Variants in NAA15 observed in about 807,000 individuals in gnomAD.
The protein encoded by NAA15 is N-terminal acetyltransferase.
Under a neutral mutation model 114.0 loss-of-function variants are expected in NAA15, and 34 were observed. The ratio of observed to expected loss-of-function variants is 0.30; its 90% confidence interval spans 0.23 to 0.40. The LOEUF (loss-of-function observed/expected upper bound fraction) is 0.40, where lower values mean the gene tolerates loss of function less well. Ranked by LOEUF, NAA15 falls within the 10% of genes least tolerant of loss-of-function variation. The probability of loss-of-function intolerance (pLI) is 1.00; values close to 1 mark genes in which losing one functional copy is unlikely to be tolerated. For missense variants in NAA15, 658 were observed against 1,004.5 expected (o/e 0.66, Z 4.66); for synonymous variants, 340 against 338.0 (o/e 1.01, Z -0.06).
At chr4:139,353,251 G>C (rs1445321661) in intron 9 of NAA15, among the ~76,000 whole-genome samples, 1 of 152,172 alleles carries the variant, frequency 6.6e-6, no homozygotes, top group Non-Finnish European at 1.5e-5. Context: ...AAACAAAACA[G>C]TCTTAGTAGG....
intron 1 of NAA15, among the ~76,000 whole-genome samples, chr4:139,328,755 A>T (rs571017391): frequency 6.7e-6 from 1 of 150,264 alleles, no homozygotes; most frequent in African/African-American, 2.5e-5. Flanking sequence ...ATTAGTAGAG[A>T]TGGGGTTTCA....
intron 1 of NAA15, among the ~76,000 whole-genome samples, chr4:139,331,735 G>A (rs1055260713): frequency 1.3e-5 from 2 of 151,670 alleles, no homozygotes; most frequent in East Asian, 1.9e-4. Flanking sequence ...AAAGTGCTGG[G>A]ATTACAAGCA....
intron 8 of NAA15, 44 bp from the exon 9 acceptor site, chr4:139,351,460 TA>T: frequency 8.1e-7 from 1 of 1,235,492 alleles, no homozygotes; most frequent in Non-Finnish European, 1.2e-6. Context: ...TAAATGTAAG[TA>T]AATACTTGAT....
At chr4:139,337,125 T>A (rs775191550) in intron 3 of NAA15, among the ~76,000 whole-genome samples, 173 bp downstream of exon 3, 1 of 152,242 alleles carries the variant, frequency 6.6e-6, no homozygotes, top group Non-Finnish European at 1.5e-5. Context: ...TACCTAACCA[T>A]GTTTTAACAT....
intron 13 of NAA15, among the ~76,000 whole-genome samples, 177 bp downstream of exon 13, chr4:139,360,805 T>G (rs562568202): frequency 3.3e-5 from 5 of 152,296 alleles, no homozygotes; most frequent in African/African-American, 1.2e-4. Context: ...AGCCAGGGTC[T>G]CTATTGTCTT....
intron 17 of NAA15, 82 bp downstream of exon 17, chr4:139,378,936 T>A: frequency 2.4e-6 from 2 of 849,048 alleles, no homozygotes; most frequent in Non-Finnish European, 3.6e-6. Flanking sequence ...AAGTTTATCA[T>A]AAACCAAATG....
At chr4:139,338,607 C>T (rs1314989581) in intron 3 of NAA15, among the ~76,000 whole-genome samples, 1 of 152,140 alleles carries the variant, frequency 6.6e-6, no homozygotes, top group Non-Finnish European at 1.5e-5. Context: ...AGCACCAAGC[C>T]TGGCTAATTT....
At chr4:139,376,962 G>T (rs1748597166) in intron 16 of NAA15, among the ~76,000 whole-genome samples, 1 of 152,176 alleles carries the variant, frequency 6.6e-6, no homozygotes, top group African/African-American at 2.4e-5. Flanking sequence ...TAATGTTGAG[G>T]TTGTCTGAAT....
In NAA15 at chr4:139,390,605, T is replaced by C. The variant is rs566237886; in HGVS notation, c.*2521T>C. 2 of 152,784 alleles carry C rather than the reference T, an allele frequency of 1.3e-5. No individual in the cohort carries two copies. Among genetic ancestry groups the C allele is most frequent in the East Asian group, 3.9e-4 (2 of 5,194 alleles). The allele number at this position is 152,784 out of a possible 1,614,324, so 9.5% of individuals were successfully genotyped here. On this transcript the variant is annotated 3_prime_UTR_variant, in exon 20 of 20. Transcript: ENST00000296543. ...AAGGGTCTCTTGACCTGTATTAACA[T>C]AGGAAAGTAAAGTTCTTTTTGTTTT... is the stretch of plus-strand genomic sequence containing the variant.
intron 4 of NAA15, 142 bp from the exon 5 acceptor site, chr4:139,342,684 G>T (rs1026819643): frequency 2.4e-5 from 15 of 622,786 alleles, no homozygotes; most frequent in Non-Finnish European, 3.8e-5. Context: ...TCTTGACCTC[G>T]TGATCCACCC....
Position 139,336,829 on chromosome 4 carries a change from T to C in NAA15, c.140-19T>C. 7.0e-7 allele frequency: 1 copy of C among 1,423,292 alleles called. No individual in the cohort carries two copies. The highest frequency in any genetic ancestry group is 9.4e-7 in the Non-Finnish European group (1 of 1,058,526). The allele number at this position is 1,423,292 out of a possible 1,614,324, so 88.2% of individuals were successfully genotyped here. A position where few individuals can be genotyped will look rare whatever the true frequency, so the allele number is the denominator to read the frequency against. On this transcript the variant is annotated intron_variant, in intron 2 of 19. Transcript: ENST00000296543. ...TATTTTTTTAAAATGTTCCTTTTCT[T>C]CTTTGTTTTTGAAAATAGAAACCTT...
intron 15 of NAA15, among the ~76,000 whole-genome samples, chr4:139,374,441 C>T (rs1748527262): frequency 6.6e-6 from 1 of 152,110 alleles, no homozygotes; most frequent in Admixed American, 6.6e-5. Context: ...TGTCACAGTC[C>T]ATTTCAGTTC....
At chr4:139,316,196 T>A (rs1016402171) in intron 1 of NAA15, among the ~76,000 whole-genome samples, 2 of 151,960 alleles carry the variant, frequency 1.3e-5, no homozygotes, top group Admixed American at 1.3e-4. Flanking sequence ...AAACAATTTC[T>A]TAAATTTTTA....
At chr4:139,325,973 A>G (rs1166305390) in intron 1 of NAA15, among the ~76,000 whole-genome samples, 1 of 152,256 alleles carries the variant, frequency 6.6e-6, no homozygotes, top group Non-Finnish European at 1.5e-5. Context: ...ATAGGTTCAC[A>G]TAAGTATTGT....
At chr4:139,303,032 C>T (rs1230164612) in intron 1 of NAA15, among the ~76,000 whole-genome samples, 1 of 152,214 alleles carries the variant, frequency 6.6e-6, no homozygotes, top group Non-Finnish European at 1.5e-5. Flanking sequence ...AAAAGTAGAA[C>T]AACTCTGGGG....
intron 1 of NAA15, among the ~76,000 whole-genome samples, chr4:139,331,798 G>T (rs1228126830): frequency 1.3e-5 from 2 of 151,816 alleles, no homozygotes; most frequent in Non-Finnish European, 2.9e-5. Context: ...AGTACAGAAT[G>T]TTTACATTTT....
intron 10 of NAA15, among the ~76,000 whole-genome samples, chr4:139,355,233 A>G (rs911487214): frequency 3.9e-5 from 6 of 151,964 alleles, no homozygotes; most frequent in Non-Finnish European, 1.5e-5. Flanking sequence ...ATTTCCAGTT[A>G]TGTTATAAAT....
intron 14 of NAA15, among the ~76,000 whole-genome samples, chr4:139,369,224 T>C (rs1371355318): frequency 6.6e-6 from 1 of 152,186 alleles, no homozygotes. Context: ...GAATGAATAA[T>C]TGTTTGGCCA....
intron 9 of NAA15, among the ~76,000 whole-genome samples, chr4:139,353,042 C>T (rs1468577607): frequency 1.3e-5 from 2 of 152,018 alleles, no homozygotes; most frequent in Non-Finnish European, 2.9e-5. Context: ...GTATAGAATC[C>T]TATATTTTTA....
Sources: gnomAD v4.1 joint callset for allele counts (sites outside exome capture counted in the v4.1 genomes callset) on GRCh38, gnomAD v4.1.1 for gene constraint, MANE v1.5 for transcripts, NCBI Gene and HGNC (gene_info 2026-07-23, HGNC 2026-07-21) for gene names.